The following DGKB variants were observed in gnomAD, a reference collection of about 807,000 sequenced individuals.
DGKB encodes diacylglycerol kinase beta, also known as 90 kDa diacylglycerol kinase.
In DGKB, 67 loss-of-function variants were observed where a neutral mutation model predicts 114.3. That is an observed-to-expected ratio of 0.59 (90% confidence interval 0.48 to 0.72). DGKB has a LOEUF of 0.72. Among genes scored for constraint, DGKB ranks in the 30% least tolerant of loss-of-function variants. The pLI is 0.00. For missense variants in DGKB, 907 were observed against 975.2 expected (o/e 0.93, Z 0.93); for synonymous variants, 398 against 323.1 (o/e 1.23, Z -2.49).
intron 20 of DGKB, among the ~76,000 whole-genome samples, chr7:14,499,306 C>T (rs960297233): frequency 6.6e-6 from 1 of 151,548 alleles, no homozygotes; most frequent in South Asian, 2.1e-4. Context: ...TTGCTTGAGG[C>T]TGAGACTTAA....
chr7:14,611,711 A>G (rs1000696335), intron 16 of DGKB, among the ~76,000 whole-genome samples: 1 of 151,488 alleles, frequency 6.6e-6, no homozygotes, highest in Non-Finnish European at 1.5e-5. Flanking sequence ...ATATATATAT[A>G]TGTATATTTT....
At chr7:14,722,288 C>G (rs925261834) in intron 5 of DGKB, among the ~76,000 whole-genome samples, 1 of 152,136 alleles carries the variant, frequency 6.6e-6, no homozygotes, top group African/African-American at 2.4e-5. Flanking sequence ...AATCTCTGAA[C>G]CTTTCATTTT....
intron 20 of DGKB, among the ~76,000 whole-genome samples, chr7:14,507,888 C>G (rs1787345734): frequency 6.6e-6 from 1 of 152,124 alleles, no homozygotes; most frequent in Non-Finnish European, 1.5e-5. Flanking sequence ...ACTTGTCCAT[C>G]CTAAGCTTAT....
chr7:14,444,042 A>G (rs192703496), intron 21 of DGKB, among the ~76,000 whole-genome samples: 138 of 151,672 alleles, frequency 9.1e-4, no homozygotes, highest in African/African-American at 3.2e-3. Flanking sequence ...TCAGTCCTCT[A>G]TTGTGGATTT....
intron 21 of DGKB, among the ~76,000 whole-genome samples, chr7:14,375,916 A>G (rs562826470): frequency 3.3e-4 from 51 of 152,348 alleles, no homozygotes; most frequent in African/African-American, 1.2e-3. Context: ...CCTCTACATG[A>G]AGGTCTTAGT....
At chr7:14,484,012 T>C (rs1783385912) in intron 20 of DGKB, among the ~76,000 whole-genome samples, 1 of 151,836 alleles carries the variant, frequency 6.6e-6, no homozygotes, top group African/African-American at 2.4e-5. Context: ...GGGAAACTTA[T>C]ACTTCATCTG....
At chr7:14,875,281 C>G (rs373700955) in intron 1 of DGKB, among the ~76,000 whole-genome samples, 8 of 152,248 alleles carry the variant, frequency 5.3e-5, no homozygotes, top group African/African-American at 1.9e-4. Flanking sequence ...CTGGCTGTTT[C>G]TAACATCCTC....
At chr7:14,617,423 T>C (rs1469920130) in intron 15 of DGKB, among the ~76,000 whole-genome samples, 1 of 151,644 alleles carries the variant, frequency 6.6e-6, no homozygotes, top group South Asian at 2.1e-4. Context: ...CCTCAAAATA[T>C]ATGTAGAATC....
chr7:14,900,133 C>A (rs1782780545), intron 1 of DGKB, among the ~76,000 whole-genome samples: 1 of 152,118 alleles, frequency 6.6e-6, no homozygotes, highest in South Asian at 2.1e-4. Flanking sequence ...ACGAACAAAG[C>A]ACATGAGAAA....
chr7:14,485,696 C>T (rs1299522464), intron 20 of DGKB, among the ~76,000 whole-genome samples: 1 of 150,904 alleles, frequency 6.6e-6, no homozygotes, highest in Non-Finnish European at 1.5e-5. Context: ...ACCAGCCTGG[C>T]CAACATGGTG....
chr7:14,392,081 T>A (rs1202828733), intron 21 of DGKB, among the ~76,000 whole-genome samples: 1 of 152,192 alleles, frequency 6.6e-6, no homozygotes, highest in Non-Finnish European at 1.5e-5. Flanking sequence ...GAAATCAGGT[T>A]ATGTCTGCAT....
At chr7:14,544,775 G>C (rs1794021153) in intron 20 of DGKB, among the ~76,000 whole-genome samples, 1 of 152,070 alleles carries the variant, frequency 6.6e-6, no homozygotes, top group African/African-American at 2.4e-5. Flanking sequence ...AGTCTTCTAG[G>C]ACAGGGTGTT....
intron 1 of DGKB, among the ~76,000 whole-genome samples, chr7:14,848,305 G>A (rs1029874567): frequency 2.3e-4 from 35 of 152,190 alleles, no homozygotes; most frequent in African/African-American, 8.2e-4. Context: ...AATGACTCCT[G>A]TATTTTGGCT....
chr7:14,641,732 C>T (rs1811842955), intron 13 of DGKB, among the ~76,000 whole-genome samples: 1 of 151,972 alleles, frequency 6.6e-6, no homozygotes, highest in African/African-American at 2.4e-5. Flanking sequence ...ACTTTTAGAG[C>T]CATATTATTT....
intron 1 of DGKB, among the ~76,000 whole-genome samples, chr7:14,848,374 A>G (rs535382219): frequency 6.6e-6 from 1 of 152,230 alleles, no homozygotes; most frequent in Non-Finnish European, 1.5e-5. Flanking sequence ...GAATAGAACC[A>G]GGATTGATGA....
In DGKB at chr7:14,145,792, A is replaced by C. The variant is rs531620683; in HGVS notation, c.*3339T>G. The C allele has an allele frequency of 6.6e-6, 1 of 152,320 alleles. No homozygotes were observed. Among genetic ancestry groups the C allele is most frequent in the East Asian group, 1.9e-4 (1 of 5,182 alleles). The allele number at this position is 152,320 out of a possible 1,614,324, so 9.4% of individuals were successfully genotyped here. ...TTTTATAACCAATGAACAACAAACT[A>C]ACGTTGACACAAAAAGGAAAAGAAT... is the stretch of plus-strand genomic sequence containing the variant. On this transcript the variant is annotated 3_prime_UTR_variant, in exon 26 of 26. Transcript: ENST00000402815.
In DGKB at chr7:14,685,348, A is replaced by G. The variant is rs534153334; in HGVS notation, c.726T>C (p.Asp242=). 6.2e-7 allele frequency: 1 copy of G among 1,613,394 alleles called. No homozygotes were observed. Among genetic ancestry groups the G allele is most frequent in the African/African-American group, 1.3e-5 (1 of 75,040 alleles). ...GCTTCAGTCGCCACACGTGCTGTCC[A>G]TCATCCTTCACGTTCTGCATGGGAC... ...LLGLENNVKD[D]GQHVWRLKHF... Residue 242 remains aspartate, a synonymous_variant, in exon 10 of 26, where the codon GAT becomes GAC. Coordinates refer to ENST00000402815, the MANE Select transcript of DGKB (RefSeq NM_001350709.2).
At chr7:14,974,200 C>T (rs1021816263) in intron 1 of DGKB, among the ~76,000 whole-genome samples, 2 of 151,934 alleles carry the variant, frequency 1.3e-5, no homozygotes, top group Non-Finnish European at 2.9e-5. Context: ...AAAATACTGG[C>T]AGCTGTGCAT....
intron 13 of DGKB, among the ~76,000 whole-genome samples, chr7:14,654,990 G>T (rs62443683): frequency 0.033 from 5,011 of 151,842 alleles, 108 homozygotes; most frequent in African/African-American, 0.045. Context: ...TATGGATAAG[G>T]TTACAAAGGC....
Sources: allele counts gnomAD v4.1 joint callset (sites outside exome capture counted in the v4.1 genomes callset), GRCh38; gene constraint gnomAD v4.1.1; transcripts MANE v1.5; gene names NCBI Gene and HGNC (gene_info 2026-07-23, HGNC 2026-07-21).